The following NBEA variants were observed in gnomAD, a reference collection of about 807,000 sequenced individuals.
The protein encoded by NBEA is neurobeachin.
NBEA carries 44 observed loss-of-function variants against 343.4 expected under a neutral mutation model. That is an observed-to-expected ratio of 0.13 (90% CI 0.10 to 0.16). NBEA has a LOEUF of 0.16. NBEA is among the 10% of genes least tolerant of loss of function. The probability of loss-of-function intolerance (pLI) is 1.00; values close to 1 mark genes in which losing one functional copy is unlikely to be tolerated. For missense variants in NBEA, 2,555 were observed against 3,631.3 expected (o/e 0.70, Z 7.62); for synonymous variants, 1,175 against 1,238.7 (o/e 0.95, Z 1.08).
At chr13:35,495,649 A>G (rs753463900) in intron 41 of NBEA, among the ~76,000 whole-genome samples, 1 of 151,974 alleles carries the variant, frequency 6.6e-6, no homozygotes, top group Non-Finnish European at 1.5e-5. Context: ...CTCAAACAAC[A>G]CTATAAACCA....
At chr13:35,264,541 C>A (rs963234168) in intron 34 of NBEA, among the ~76,000 whole-genome samples, 1 of 151,940 alleles carries the variant, frequency 6.6e-6, no homozygotes, top group Non-Finnish European at 1.5e-5. Context: ...TTTAAAAGAT[C>A]AGTCACCATG....
chr13:35,620,980 G>A (rs1164480257), intron 48 of NBEA, among the ~76,000 whole-genome samples: 4 of 152,138 alleles, frequency 2.6e-5, no homozygotes, highest in South Asian at 2.1e-4. Context: ...AAATGAAAGC[G>A]TGGGTGTTTA....
In NBEA at chr13:35,266,207, G is replaced by A. The variant is rs929235358; in HGVS notation, c.5777-24182G>A. 7.9e-5 allele frequency among the ~76,000 whole-genome samples: 12 copies of A among 151,970 alleles called. No individual in the cohort carries two copies. In the South Asian group the frequency reaches 2.5e-3, roughly 32 times the overall value. On this transcript the variant is annotated intron_variant, in intron 34 of 58. Transcript: ENST00000379939. ...GATAATAAGTGTTGGCAAGGATATG[G>A]AGAAAAGGGAACACTTGCTCACTGT...
chr13:35,438,371 C>T (rs1248362835), intron 39 of NBEA, among the ~76,000 whole-genome samples: 3 of 152,068 alleles, frequency 2.0e-5, no homozygotes, highest in Non-Finnish European at 4.4e-5. Context: ...CTATTTTCAG[C>T]CATCAAGAAT....
intron 39 of NBEA, among the ~76,000 whole-genome samples, chr13:35,441,016 G>A (rs1318355768): frequency 6.6e-6 from 1 of 152,134 alleles, no homozygotes; most frequent in African/African-American, 2.4e-5. Context: ...AAATGTTTTG[G>A]TGTTTTAAAA....
chr13:35,171,480 T>C, intron 26 of NBEA, 28 bp downstream of exon 26: 1 of 1,572,540 alleles, frequency 6.4e-7, no homozygotes, highest in Non-Finnish European at 8.7e-7. Context: ...ATAGTGCATG[T>C]CAAATAATTA....
At chr13:35,637,217 G>A (rs2083730078) in intron 49 of NBEA, among the ~76,000 whole-genome samples, 1 of 151,938 alleles carries the variant, frequency 6.6e-6, no homozygotes, top group African/African-American at 2.4e-5. Context: ...TCATCTTTAG[G>A]GAAATGCAAA....
intron 6 of NBEA, among the ~76,000 whole-genome samples, chr13:35,050,965 C>T (rs2063046186): frequency 6.6e-6 from 1 of 151,938 alleles, no homozygotes; most frequent in Non-Finnish European, 1.5e-5. Flanking sequence ...GGCCAAAACA[C>T]ATTTTAAAAA....
intron 39 of NBEA, among the ~76,000 whole-genome samples, chr13:35,433,291 T>G (rs2045237193): frequency 6.6e-6 from 1 of 152,094 alleles, no homozygotes; most frequent in African/African-American, 2.4e-5. Context: ...ACAAACCACA[T>G]TCACTAAGGA....
intron 1 of NBEA, among the ~76,000 whole-genome samples, chr13:34,960,553 A>G (rs2059630111): frequency 6.6e-6 from 1 of 152,086 alleles, no homozygotes; most frequent in South Asian, 2.1e-4. Context: ...TGGAAGCTCC[A>G]TTCATGTTAA....
intron 34 of NBEA, among the ~76,000 whole-genome samples, chr13:35,257,933 A>G (rs1049268331): frequency 2.6e-5 from 4 of 152,168 alleles, no homozygotes; most frequent in African/African-American, 9.6e-5. Context: ...GAAATTTGAA[A>G]GACTCTTCAT....
intron 48 of NBEA, 36 bp from the exon 49 acceptor site, chr13:35,628,045 T>A: frequency 6.4e-7 from 1 of 1,567,290 alleles, no homozygotes; most frequent in African/African-American, 1.4e-5. Context: ...GTACTAAGTT[T>A]TGATGGTCTC....
chr13:34,974,561 A>C (rs2060103950), intron 1 of NBEA, among the ~76,000 whole-genome samples: 1 of 152,182 alleles, frequency 6.6e-6, no homozygotes, highest in African/African-American at 2.4e-5. Context: ...TGAGTTTGTT[A>C]CTATCCTGTT....
chr13:35,567,677 A>G (rs534924768), intron 45 of NBEA, among the ~76,000 whole-genome samples: 1 of 152,248 alleles, frequency 6.6e-6, no homozygotes, highest in African/African-American at 2.4e-5. Context: ...TATGTTAGCC[A>G]TAGTAAAGCC....
chr13:35,493,281 A>G (rs1394880685), intron 41 of NBEA, among the ~76,000 whole-genome samples: 1 of 151,932 alleles, frequency 6.6e-6, no homozygotes, highest in Non-Finnish European at 1.5e-5. Context: ...ACTTGATGAA[A>G]TCCTTTGTAG....
chr13:35,410,943 A>C (rs1200489274), intron 38 of NBEA, among the ~76,000 whole-genome samples: 1 of 152,128 alleles, frequency 6.6e-6, no homozygotes, highest in Non-Finnish European at 1.5e-5. Flanking sequence ...GGACTTTCTC[A>C]ACACACTCTC....
intron 37 of NBEA, among the ~76,000 whole-genome samples, chr13:35,350,369 A>C (rs952639654): frequency 2.6e-5 from 4 of 152,074 alleles, no homozygotes; most frequent in African/African-American, 9.7e-5. Context: ...CATTTTGCCT[A>C]ATTGGCCTCT....
chr13:35,562,773 C>T (rs961531140), intron 44 of NBEA, among the ~76,000 whole-genome samples: 3 of 152,026 alleles, frequency 2.0e-5, no homozygotes, highest in Non-Finnish European at 4.4e-5. Flanking sequence ...CAGACAAGCA[C>T]AGGAACATCG....
chr13:35,429,161 T>G (rs1003326741), intron 38 of NBEA, among the ~76,000 whole-genome samples: 5 of 152,092 alleles, frequency 3.3e-5, no homozygotes, highest in Middle Eastern at 3.2e-3. Flanking sequence ...CTCCACATGG[T>G]CTCCACTGAC....
Sources: allele counts gnomAD v4.1 joint callset (sites outside exome capture counted in the v4.1 genomes callset), GRCh38; gene constraint gnomAD v4.1.1; transcripts MANE v1.5; gene names NCBI Gene and HGNC (gene_info 2026-07-23, HGNC 2026-07-21).